Variants in GATA4 observed in about 807,000 individuals in gnomAD.
GATA4 encodes transcription factor GATA-4.
Under a neutral mutation model 37.9 loss-of-function variants are expected in GATA4, and 7 were observed. That is an observed-to-expected ratio of 0.18 (90% CI 0.11 to 0.35). The LOEUF (loss-of-function observed/expected upper bound fraction) is 0.35, where lower values mean the gene tolerates loss of function less well. GATA4 is among the 10% of genes least tolerant of loss of function. The pLI is 1.00. For missense variants in GATA4, 647 were observed against 653.0 expected (o/e 0.99, Z 0.10); for synonymous variants, 372 against 292.6 (o/e 1.27, Z -2.77).
intron 2 of GATA4, among the ~76,000 whole-genome samples, chr8:11,748,111 C>T (rs187541477): frequency 4.9e-4 from 75 of 152,164 alleles, no homozygotes; most frequent in East Asian, 2.9e-3. Flanking sequence ...CTAGCTACTT[C>T]GGAGGCTGAG....
chr8:11,743,302 G>A (rs1469954518), intron 2 of GATA4, among the ~76,000 whole-genome samples: 1 of 152,280 alleles, frequency 6.6e-6, no homozygotes, highest in African/African-American at 2.4e-5. Context: ...TTGGACAGGG[G>A]CGCGTATACA....
At chr8:11,691,050 A>T (rs1430866049), upstream of GATA4, among the ~76,000 whole-genome samples, 1 of 152,202 alleles carries the variant, frequency 6.6e-6, no homozygotes, top group Non-Finnish European at 1.5e-5. Context: ...CATCTATAAA[A>T]TGGAGGAAAT....
intron 1 of GATA4, chr8:11,683,032 CG>C: frequency 2.0e-6 from 2 of 983,140 alleles, no homozygotes; most frequent in South Asian, 4.7e-5. Context: ...CCTCGGTGCG[CG>C]GGGGTTTCTC....
chr8:11,685,320 A>T (rs145122191), intron 1 of GATA4, among the ~76,000 whole-genome samples: 1 of 152,372 alleles, frequency 6.6e-6, no homozygotes, highest in African/African-American at 2.4e-5. Context: ...TTTCTGCCTA[A>T]TGTGGCTAAG....
In GATA4 at chr8:11,708,238, CGTT is replaced by C; in HGVS notation, c.-74_-72del. 1 of 1,499,428 alleles carries C rather than the reference CGTT, an allele frequency of 6.7e-7. No homozygotes were observed. Among genetic ancestry groups the C allele is most frequent in the Non-Finnish European group, 9.0e-7 (1 of 1,113,508 alleles). The allele number at this position is 1,499,428 out of a possible 1,614,324, so 92.9% of individuals were successfully genotyped here. On this transcript the variant is annotated 5_prime_UTR_variant, in exon 2 of 7. Coordinates refer to ENST00000532059, the MANE Select transcript of GATA4 (RefSeq NM_001308093.3). The surrounding 1 kb of genome is among the most constrained non-coding windows in gnomAD (Gnocchi z 6.7). Reference sequence around the variant, plus strand: ...CCACGCATATTATCGTTGTTGCCGTCGTTTTCTCTCCCCGCGTGGCTCCTTGAC... The same window carrying C: ...CCACGCATATTATCGTTGTTGCCGTCTTCTCTCCCCGCGTGGCTCCTTGAC...
chr8:11,748,796 T>C (rs1802150479), intron 2 of GATA4, 120 bp from the exon 3 acceptor site: 1 of 1,149,720 alleles, frequency 8.7e-7, no homozygotes, highest in Non-Finnish European at 1.3e-6. Flanking sequence ...CCCGAGGTGG[T>C]CTTCTCTTTC....
intron 2 of GATA4, among the ~76,000 whole-genome samples, chr8:11,713,452 A>G (rs1282078679): frequency 6.6e-6 from 1 of 152,058 alleles, no homozygotes; most frequent in African/African-American, 2.4e-5. Flanking sequence ...GTCCAACCAC[A>G]CAGAATGGCT....
chr8:11,723,340 T>TAA (rs1253156381), intron 2 of GATA4, among the ~76,000 whole-genome samples: 3 of 143,026 alleles, frequency 2.1e-5, no homozygotes, highest in Admixed American at 7.0e-5. Context: ...GACCCTGTGT[T>TAA]AAAAAAAAAA....
chr8:11,714,983 C>G (rs1026582165), intron 2 of GATA4, among the ~76,000 whole-genome samples: 2 of 152,120 alleles, frequency 1.3e-5, no homozygotes, highest in Admixed American at 1.3e-4. Context: ...CACACCGGCA[C>G]ATATTAATTT....
intron 1 of GATA4, chr8:11,697,889 G>A: frequency 2.0e-6 from 2 of 985,482 alleles, no homozygotes; most frequent in Non-Finnish European, 1.2e-6. Context: ...GCTGGCTCAG[G>A]GAATGCCAGA....
Position 11,708,477 on chromosome 8 carries a change from G to T in GATA4, c.165G>T (p.Gln55His), listed in dbSNP as rs1800000275. ...CCGTGCTGGGCCTGTCCTACCTCCA[G>T]GGCGGAGGCGCGGGCTCTGCGTCCG... ...PSSVLGLSYL[Q>H]GGGAGSASGG... Residue 55 changes from glutamine to histidine, a missense_variant, in exon 2 of 7, where the codon CAG (glutamine) becomes CAT (histidine). Physicochemically the swap from Gln to His is conservative, Grantham distance 24. This residue lies in a region of GATA4 where 379 missense variants were observed against 334.5 expected (regional missense o/e 1.13). Coordinates refer to ENST00000532059, the MANE Select transcript of GATA4 (RefSeq NM_001308093.3). The surrounding 1 kb of genome is among the most constrained non-coding windows in gnomAD (Gnocchi z 6.7). 2 of 1,508,740 alleles carry T rather than the reference G, an allele frequency of 1.3e-6. No homozygotes were observed. Among genetic ancestry groups the T allele is most frequent in the Non-Finnish European group, 1.8e-6 (2 of 1,135,598 alleles). The allele number at this position is 1,508,740 out of a possible 1,614,324, so 93.5% of individuals were successfully genotyped here. A position where few individuals can be genotyped will look rare whatever the true frequency, so the allele number is the denominator to read the frequency against.
chr8:11,693,156 T>G (rs1181803320), intron 1 of GATA4: 1 of 879,748 alleles, frequency 1.1e-6, no homozygotes, highest in East Asian at 1.2e-4. Context: ...CCTAAAGAGC[T>G]GTAAGGAAGC....
chr8:11,698,028 TG>T, intron 1 of GATA4: 1 of 984,728 alleles, frequency 1.0e-6, no homozygotes, highest in Non-Finnish European at 1.2e-6. Flanking sequence ...CCCTGGACTC[TG>T]GGTTGACCTC....
chr8:11,758,324 G>T lies in GATA4; in HGVS notation c.1181G>T (p.Gly394Val). 5 of 1,614,090 alleles carry T rather than the reference G, an allele frequency of 3.1e-6. No homozygotes were observed. Among genetic ancestry groups the T allele is most frequent in the Non-Finnish European group, 4.2e-6 (5 of 1,180,010 alleles). ...TFSVSAMSGH[G>V]PSIHPVLSAL... is the part of the protein sequence containing the mutation. The stretch of plus-strand genomic sequence containing the variant: ...TCAGTCAGTGCGATGTCTGGCCATG[G>T]GCCCTCCATCCACCCTGTCCTCTCG... The change falls in exon 7 of 7, where the codon GGG becomes GTG. Residue 394 changes from glycine (G) to valine (V), a missense_variant. Around this residue, in one of 5 missense-constraint regions of GATA4, gnomAD observed 184 missense variants for 157.1 expected, o/e 1.17. Coordinates refer to ENST00000532059, the MANE Select transcript of GATA4 (RefSeq NM_001308093.3).
At chr8:11,715,255 G>C (rs1055402847) in intron 2 of GATA4, among the ~76,000 whole-genome samples, 1 of 152,186 alleles carries the variant, frequency 6.6e-6, no homozygotes, top group African/African-American at 2.4e-5. Flanking sequence ...TTGTAACACA[G>C]ATTTGCCTGT....
intron 2 of GATA4, among the ~76,000 whole-genome samples, chr8:11,731,634 T>C (rs904076261): frequency 1.9e-4 from 29 of 152,242 alleles, no homozygotes; most frequent in Admixed American, 2.0e-4. Flanking sequence ...GTTTCAGTTT[T>C]GCACGATGAA....
At chr8:11,678,361 C>T (rs1191501300) in intron 1 of GATA4, among the ~76,000 whole-genome samples, 1 of 152,160 alleles carries the variant, frequency 6.6e-6, no homozygotes, top group Non-Finnish European at 1.5e-5. Context: ...CCATCTCCAG[C>T]AGCCCCACCG....
intron 4 of GATA4, among the ~76,000 whole-genome samples, chr8:11,753,519 T>A (rs1430110765): frequency 6.9e-6 from 1 of 144,854 alleles, no homozygotes; most frequent in African/African-American, 2.6e-5. Flanking sequence ...CATACCTAAG[T>A]GAATGGAGAT....
intron 2 of GATA4, among the ~76,000 whole-genome samples, chr8:11,724,705 C>G (rs62489341): frequency 0.035 from 5,202 of 150,092 alleles, 239 homozygotes; most frequent in African/African-American, 0.11. Flanking sequence ...GCCTTAGGGA[C>G]ACATGCACAA....
Sources: gnomAD v4.1 joint callset for allele counts (sites outside exome capture counted in the v4.1 genomes callset) on GRCh38, gnomAD v4.1.1 for gene constraint, gnomAD v4.1.1 regional missense constraint, Gnocchi (gnomAD v3.1) non-coding constraint, MANE v1.5 for transcripts, NCBI Gene and HGNC (gene_info 2026-07-23, HGNC 2026-07-21) for gene names.